Variants in CSMD1 observed in about 807,000 individuals in gnomAD.
CSMD1 encodes the protein CUB and sushi domain-containing protein 1.
CSMD1 carries 213 observed loss-of-function variants against 417.5 expected under a neutral mutation model. The observed-to-expected ratio is 0.51, with a 90% CI of 0.46 to 0.57. CSMD1 has a LOEUF of 0.57. Among genes scored for constraint, CSMD1 ranks in the 20% least tolerant of loss-of-function variants. The pLI is 0.00. For missense variants in CSMD1, 6,923 were observed against 4,529.7 expected, an observed-to-expected ratio of 1.53 and a Z score of -15.17; for synonymous variants, 2,862 against 1,736.8, an observed-to-expected ratio of 1.65 and a Z score of -16.11.
chr8:4,834,704 C>T (rs777322958), intron 1 of CSMD1, among the ~76,000 whole-genome samples: 1 of 151,764 alleles, frequency 6.6e-6, no homozygotes, highest in South Asian at 2.1e-4. Flanking sequence ...CTCCTGTAAT[C>T]CCAGCACTTT....
chr8:3,270,532 A>T (rs1183993366), intron 26 of CSMD1, among the ~76,000 whole-genome samples: 1 of 152,244 alleles, frequency 6.6e-6, no homozygotes, highest in African/African-American at 2.4e-5. Context: ...ACTGGTATCA[A>T]AATTTTAAGT....
At chr8:3,718,548 T>G (rs1017005674) in intron 6 of CSMD1, among the ~76,000 whole-genome samples, 1 of 152,194 alleles carries the variant, frequency 6.6e-6, no homozygotes, top group African/African-American at 2.4e-5. Flanking sequence ...TCAGAATCTT[T>G]TAATTTAATG....
chr8:3,197,575 C>T (rs1256802330), intron 33 of CSMD1, among the ~76,000 whole-genome samples: 4 of 151,314 alleles, frequency 2.6e-5, no homozygotes, highest in South Asian at 2.1e-4. Flanking sequence ...ACGCCATTCT[C>T]CTGCCTCAGC....
intron 1 of CSMD1, among the ~76,000 whole-genome samples, chr8:4,800,675 G>A (rs903741604): frequency 5.3e-5 from 8 of 152,148 alleles, no homozygotes; most frequent in African/African-American, 1.9e-4. Context: ...AGTTGTCCAG[G>A]TCAGCTACGT....
chr8:3,441,341 T>C (rs1266027873), intron 12 of CSMD1, among the ~76,000 whole-genome samples: 2 of 152,114 alleles, frequency 1.3e-5, no homozygotes, highest in Admixed American at 1.3e-4. Flanking sequence ...GGGTGTTGAA[T>C]TTGTCAAATG....
chr8:4,145,131 A>C (rs10503236), intron 3 of CSMD1, among the ~76,000 whole-genome samples: 1 of 150,954 alleles, frequency 6.6e-6, no homozygotes, highest in African/African-American at 2.5e-5. Flanking sequence ...CGCAGATATA[A>C]TAGTTTAGAC....
At chr8:3,410,742 A>G (rs139248991) in intron 12 of CSMD1, among the ~76,000 whole-genome samples, 23 of 152,196 alleles carry the variant, frequency 1.5e-4, no homozygotes, top group African/African-American at 5.5e-4. Context: ...AATTTTTTAA[A>G]ATTATTATTT....
At chr8:3,610,132 T>C (rs1245165249) in intron 8 of CSMD1, among the ~76,000 whole-genome samples, 1 of 152,096 alleles carries the variant, frequency 6.6e-6, no homozygotes, top group Non-Finnish European at 1.5e-5. Context: ...CCACCATGTG[T>C]CATTTCATCT....
chr8:3,469,780 G>A (rs1452765842), intron 11 of CSMD1, among the ~76,000 whole-genome samples: 1 of 152,158 alleles, frequency 6.6e-6, no homozygotes, highest in South Asian at 2.1e-4. Context: ...AAAGGAAGAA[G>A]AACAACTGTC....
intron 50 of CSMD1, among the ~76,000 whole-genome samples, chr8:3,045,345 T>C (rs939199442): frequency 7.9e-5 from 12 of 152,346 alleles, no homozygotes; most frequent in African/African-American, 2.2e-4. Flanking sequence ...ATTGTTGTCA[T>C]TGTAACTTCT....
At chr8:3,682,204 A>G (rs537392499) in intron 7 of CSMD1, among the ~76,000 whole-genome samples, 145 of 152,330 alleles carry the variant, frequency 9.5e-4, no homozygotes, top group African/African-American at 3.4e-3. Flanking sequence ...ATCTAATTAA[A>G]CTAAAGAGCT....
At chr8:4,236,861 G>T (rs559296719) in intron 3 of CSMD1, among the ~76,000 whole-genome samples, 2 of 152,192 alleles carry the variant, frequency 1.3e-5, no homozygotes, top group Non-Finnish European at 1.5e-5. Context: ...TGGAACAGAA[G>T]CATCAGTGAC....
intron 10 of CSMD1, among the ~76,000 whole-genome samples, chr8:3,568,574 G>T (rs1161283638): frequency 6.6e-6 from 1 of 152,204 alleles, no homozygotes; most frequent in African/African-American, 2.4e-5. Context: ...ACCACAGAAT[G>T]TATTTAAAAT....
intron 1 of CSMD1, among the ~76,000 whole-genome samples, chr8:4,904,196 A>G (rs1253784114): frequency 6.6e-6 from 1 of 152,148 alleles, no homozygotes; most frequent in Non-Finnish European, 1.5e-5. Flanking sequence ...TGGTCATAAC[A>G]TGATGACCAA....
chr8:3,813,639 T>C (rs1445074604), intron 5 of CSMD1, among the ~76,000 whole-genome samples: 1 of 152,162 alleles, frequency 6.6e-6, no homozygotes, highest in African/African-American at 2.4e-5. Context: ...AATGAACATA[T>C]TATGTTAATT....
chr8:4,671,908 A>G (rs1805354333), intron 1 of CSMD1, among the ~76,000 whole-genome samples: 1 of 152,156 alleles, frequency 6.6e-6, no homozygotes, highest in South Asian at 2.1e-4. Context: ...TAAGTTGCCA[A>G]GCATGCCAGT....
intron 3 of CSMD1, among the ~76,000 whole-genome samples, chr8:4,216,770 G>T (rs1340717035): frequency 6.6e-6 from 1 of 152,230 alleles, no homozygotes; most frequent in Middle Eastern, 3.4e-3. Context: ...TCTCTTTACA[G>T]AAAAGAGAAA....
At chr8:3,539,312 C>A (rs945507129) in intron 10 of CSMD1, among the ~76,000 whole-genome samples, 30 of 152,180 alleles carry the variant, frequency 2.0e-4, no homozygotes, top group African/African-American at 7.2e-4. Flanking sequence ...CTCCCACCCC[C>A]AAGCCAATCC....
intron 1 of CSMD1, among the ~76,000 whole-genome samples, chr8:4,734,144 C>T (rs1484911503): frequency 6.6e-6 from 1 of 152,010 alleles, no homozygotes; most frequent in African/African-American, 2.4e-5. Flanking sequence ...CATTTACAAG[C>T]TCTATTGAAA....
Sources: gnomAD v4.1 joint callset for allele counts (sites outside exome capture counted in the v4.1 genomes callset) on GRCh38, gnomAD v4.1.1 for gene constraint, MANE v1.5 for transcripts, NCBI Gene and HGNC (gene_info 2026-07-23, HGNC 2026-07-21) for gene names.